The following AP2B1 variants were observed in gnomAD, a reference collection of about 807,000 sequenced individuals.
AP2B1 encodes the protein adaptor related protein complex 2 subunit beta 1, also known as AP-2 complex subunit beta.
A neutral mutation model predicts 102.0 loss-of-function variants in AP2B1; 23 were observed. The observed-to-expected ratio is 0.23, with a 90% CI of 0.16 to 0.32. The LOEUF is 0.32. Among genes scored for constraint, AP2B1 ranks in the 10% least tolerant of loss-of-function variants. The pLI is 1.00. For synonymous variants in AP2B1, 381 were observed against 421.2 expected (o/e 0.90, Z 1.17); for missense variants, 541 against 1,157.4 (o/e 0.47, Z 7.73).
In AP2B1 at chr17:35,589,559, G is replaced by T. The variant is rs531616424; in HGVS notation, c.-24+2131G>T. Among the ~76,000 whole-genome samples, 9 of 152,350 alleles carry T rather than the reference G, an allele frequency of 5.9e-5. No individual in the cohort carries two copies. In the East Asian group the frequency reaches 1.7e-3, roughly 29 times the overall value. On this transcript the variant is annotated intron_variant, in intron 1 of 21. Transcript: ENST00000610402. ...GGACTTTGACAACCTATATTTGGTA[G>T]AAACTAGGTTATGTTAAATCTGGAT...
intron 18 of AP2B1, among the ~76,000 whole-genome samples, chr17:35,708,758 ATTC>A (rs587729709): frequency 8.7e-4 from 132 of 152,288 alleles, no homozygotes; most frequent in African/African-American, 3.0e-3. Flanking sequence ...TTGAATCGTA[ATTC>A]TTCTGTGTAC....
Position 35,715,979 on chromosome 17 carries a change from G to A in AP2B1, c.2627-1216G>A, listed in dbSNP as rs78992570. ...AAAACTAGTTCACGTCTATGTCTAT[G>A]GTATTATGTAAATATTGGCATCTCC... is the stretch of plus-strand genomic sequence containing the variant. On this transcript the variant is annotated intron_variant, in intron 20 of 21. Transcript: ENST00000610402. 2.2e-4 allele frequency among the ~76,000 whole-genome samples: 33 copies of A among 152,290 alleles called. No individual in the cohort carries two copies. The East Asian group carries it at 4.8e-3, about 22-fold the overall frequency.
At chr17:35,594,523 C>T (rs1442925703) in intron 2 of AP2B1, among the ~76,000 whole-genome samples, 1 of 152,128 alleles carries the variant, frequency 6.6e-6, no homozygotes, top group Non-Finnish European at 1.5e-5. Flanking sequence ...GGTGTATATC[C>T]TCAAGTCTTT....
intron 12 of AP2B1, among the ~76,000 whole-genome samples, chr17:35,648,464 C>T (rs1376600177): frequency 6.6e-6 from 1 of 151,926 alleles, no homozygotes; most frequent in African/African-American, 2.4e-5. Context: ...TGCAGTGAGC[C>T]GAGATACGCC....
intron 5 of AP2B1, among the ~76,000 whole-genome samples, chr17:35,615,302 G>C (rs958408664): frequency 3.3e-5 from 5 of 152,236 alleles, no homozygotes; most frequent in African/African-American, 1.2e-4. Context: ...GAAGATGAAA[G>C]AATAATGTAT....
chr17:35,631,508 T>A (rs2142627641), intron 9 of AP2B1, among the ~76,000 whole-genome samples: 1 of 152,278 alleles, frequency 6.6e-6, no homozygotes, highest in East Asian at 1.9e-4. Flanking sequence ...TGTATTTTTT[T>A]ATAAAAATGA....
chr17:35,598,394 C>G, intron 3 of AP2B1, 59 bp downstream of exon 3: 1 of 994,476 alleles, frequency 1.0e-6, no homozygotes, highest in Non-Finnish European at 1.5e-6. Flanking sequence ...ATCTTATGGC[C>G]TTTACTGCTT....
At chr17:35,675,103 G>A (rs949801649) in intron 17 of AP2B1, among the ~76,000 whole-genome samples, 1 of 152,142 alleles carries the variant, frequency 6.6e-6, no homozygotes, top group Admixed American at 6.5e-5. Context: ...CATAAACCTT[G>A]ACAACCTCCT....
chr17:35,676,708 G>T (rs1400524757), intron 17 of AP2B1, among the ~76,000 whole-genome samples: 1 of 152,070 alleles, frequency 6.6e-6, no homozygotes, highest in Non-Finnish European at 1.5e-5. Context: ...CATTCTTGTC[G>T]CTGTGTAGTA....
chr17:35,652,067 C>T (rs1200381238), intron 13 of AP2B1, among the ~76,000 whole-genome samples: 1 of 152,154 alleles, frequency 6.6e-6, no homozygotes, highest in Admixed American at 6.5e-5. Flanking sequence ...ACAACGCTTT[C>T]TTAAACACAG....
intron 12 of AP2B1, among the ~76,000 whole-genome samples, chr17:35,644,704 CAATT>C (rs376526646): frequency 3.0e-4 from 45 of 151,882 alleles, no homozygotes; most frequent in African/African-American, 1.1e-3. Flanking sequence ...TTTTTCTGTC[CAATT>C]AATTAATGAA....
intron 21 of AP2B1, among the ~76,000 whole-genome samples, chr17:35,718,705 G>A (rs1384404482): frequency 6.6e-6 from 1 of 151,840 alleles, no homozygotes; most frequent in Non-Finnish European, 1.5e-5. Flanking sequence ...AAAGGGTTGG[G>A]GGGAGAATAA....
rs12150072 is a variant in AP2B1, at chr17:35,654,359, C to T, written c.1797-3240C>T. ...GATTACAGGTGTGAGCCTCTGTGCCCGCCTGTTTTTTTGTTTTGTTTTACT... is the reference window on the plus strand; with the variant it reads ...GATTACAGGTGTGAGCCTCTGTGCCTGCCTGTTTTTTTGTTTTGTTTTACT... On this transcript the variant is annotated intron_variant, in intron 13 of 21. Coordinates refer to ENST00000610402, the MANE Select transcript of AP2B1 (RefSeq NM_001030006.2). 8.9e-3 allele frequency among the ~76,000 whole-genome samples: 1,354 copies of T among 151,820 alleles called. 13 individuals carry two copies. The highest frequency in any genetic ancestry group is 0.014 in the Non-Finnish European group (960 of 67,992).
intron 13 of AP2B1, among the ~76,000 whole-genome samples, chr17:35,652,714 A>T (rs779573801): frequency 3.2e-4 from 49 of 152,328 alleles, no homozygotes; most frequent in Non-Finnish European, 6.5e-4. Flanking sequence ...AGGATCATTT[A>T]TATCTTTTCA....
At chr17:35,616,186 A>G (rs1406873611) in intron 5 of AP2B1, among the ~76,000 whole-genome samples, 1 of 90,990 alleles carries the variant, frequency 1.1e-5, no homozygotes, top group Non-Finnish European at 2.0e-5. Flanking sequence ...TTTTTTGGAG[A>G]CGGAGTCTCG....
chr17:35,648,773 T>TGTGTGTGTGA (rs1286612668), intron 12 of AP2B1, among the ~76,000 whole-genome samples: 1 of 148,840 alleles, frequency 6.7e-6, no homozygotes, highest in Non-Finnish European at 1.5e-5. Context: ...TGTGTGTGTG[T>TGTGTGTGTGA]GACCCATCTG....
At chr17:35,713,585 C>T (rs112427867) in intron 20 of AP2B1, among the ~76,000 whole-genome samples, 22 of 152,310 alleles carry the variant, frequency 1.4e-4, no homozygotes, top group Admixed American at 5.9e-4. Flanking sequence ...GCCCTAATCA[C>T]AATAGCACCA....
At chr17:35,683,745 C>T (rs190738189) in intron 18 of AP2B1, among the ~76,000 whole-genome samples, 298 of 152,168 alleles carry the variant, frequency 2.0e-3, no homozygotes, top group African/African-American at 1.6e-3. Flanking sequence ...AGGTTGCTAG[C>T]GGTTATGGTT....
chr17:35,592,700 GC>G (rs2073141781), intron 1 of AP2B1, among the ~76,000 whole-genome samples: 1 of 152,050 alleles, frequency 6.6e-6, no homozygotes, highest in East Asian at 1.9e-4. Context: ...GTGCCACCAT[GC>G]CCAGCTAAAT....
Sources: allele counts gnomAD v4.1 joint callset (sites outside exome capture counted in the v4.1 genomes callset), GRCh38; gene constraint gnomAD v4.1.1; transcripts MANE v1.5; gene names NCBI Gene and HGNC (gene_info 2026-07-23, HGNC 2026-07-21).